RSPRY1: variants seen among roughly 807,000 people sequenced by gnomAD.
RSPRY1 encodes ring finger and SPRY domain containing 1.
In RSPRY1, 23 loss-of-function variants were observed where a neutral mutation model predicts 73.1. That is an observed-to-expected ratio of 0.31 (90% CI 0.23 to 0.45). The LOEUF (loss-of-function observed/expected upper bound fraction) is 0.45, where lower values mean the gene tolerates loss of function less well. Among genes scored for constraint, RSPRY1 ranks in the 20% least tolerant of loss-of-function variants. The pLI is 1.00. For synonymous variants in RSPRY1, 226 were observed against 251.4 expected, an observed-to-expected ratio of 0.90 and a Z score of 0.95; for missense variants, 448 against 698.7, an observed-to-expected ratio of 0.64 and a Z score of 4.05.
intron 1 of RSPRY1, among the ~76,000 whole-genome samples, chr16:57,202,135 A>G (rs1156578492): frequency 2.0e-5 from 3 of 152,208 alleles, no homozygotes; most frequent in Admixed American, 6.5e-5. Flanking sequence ...AGTCTGGGGA[A>G]CATAGCAAGA....
At chr16:57,195,823 C>A (rs1435641020) in intron 1 of RSPRY1, among the ~76,000 whole-genome samples, 1 of 151,536 alleles carries the variant, frequency 6.6e-6, no homozygotes, top group Non-Finnish European at 1.5e-5. Flanking sequence ...GAGTTCAAGA[C>A]CAGCCTGGCC....
rs1377753505 is a variant in RSPRY1, at chr16:57,221,286, C to T, written c.1032C>T (p.Ala344=). The T allele has an allele frequency of 6.2e-6, 10 of 1,613,842 alleles. No homozygotes were observed. In the Admixed American group the frequency reaches 8.3e-5, roughly 13 times the overall value. ...GGTTTTGCCAGGCTCGCTGTGATGCCTCCTCTTTTGAAAGTGTGCGTTGCA... is the reference window on the plus strand; with the variant it reads ...GGTTTTGCCAGGCTCGCTGTGATGCTTCCTCTTTTGAAAGTGTGCGTTGCA... ...SPHGLEARCD[A]SSFESVRCTF... Residue 344 remains alanine (A), a synonymous_variant, in exon 10 of 15, where the codon GCC becomes GCT. Transcript: ENST00000394420.
At chr16:57,226,650 T>C (rs2146347807) in intron 10 of RSPRY1, among the ~76,000 whole-genome samples, 1 of 152,362 alleles carries the variant, frequency 6.6e-6, no homozygotes, top group African/African-American at 2.4e-5. Context: ...ACAGTGAAGA[T>C]GACCAGAGGT....
chr16:57,212,121 G>C (rs2074855196), intron 4 of RSPRY1, among the ~76,000 whole-genome samples: 1 of 152,084 alleles, frequency 6.6e-6, no homozygotes, highest in Non-Finnish European at 1.5e-5. Flanking sequence ...AGACCAGCCT[G>C]GGCAACATAA....
At chr16:57,232,500 C>A (rs1057151312) in intron 13 of RSPRY1, among the ~76,000 whole-genome samples, 3 of 152,154 alleles carry the variant, frequency 2.0e-5, no homozygotes, top group Non-Finnish European at 4.4e-5. Context: ...TTCCTCTTGG[C>A]CAAAGTCTGA....
Position 57,204,990 on chromosome 16 carries a change from T to C in RSPRY1, c.332T>C (p.Ile111Thr), listed in dbSNP as rs774383239. ...DGLVLDTLAV[I>T]RTLVDNDQEP... Reference sequence around the variant, plus strand: ...CTAGTGTTGGACACACTGGCAGTAATACGGACTCTTGTAGATAAGTAAGTA... The same window carrying C: ...CTAGTGTTGGACACACTGGCAGTAACACGGACTCTTGTAGATAAGTAAGTA... Residue 111 changes from isoleucine to threonine, a missense_variant, in exon 2 of 15, where the codon ATA (isoleucine) becomes ACA (threonine). Ile to Thr is a moderately conservative substitution (Grantham distance 89). Transcript: ENST00000394420. The C allele has an allele frequency of 1.2e-6, 2 of 1,613,490 alleles. No homozygotes were observed. The highest frequency in any genetic ancestry group is 1.7e-6 in the Non-Finnish European group (2 of 1,179,566).
intron 8 of RSPRY1, among the ~76,000 whole-genome samples, chr16:57,219,144 A>G (rs1485372889): frequency 2.0e-5 from 3 of 152,188 alleles, no homozygotes; most frequent in African/African-American, 7.2e-5. Context: ...TTTCTTTGAC[A>G]TACTAATTTC....
intron 1 of RSPRY1, among the ~76,000 whole-genome samples, chr16:57,194,192 T>C (rs909693757): frequency 9.2e-5 from 14 of 152,204 alleles, no homozygotes; most frequent in African/African-American, 3.1e-4. Flanking sequence ...ATGCCTATAG[T>C]TTACTTTGAA....
intron 2 of RSPRY1, chr16:57,207,502 C>A: frequency 2.3e-6 from 1 of 431,932 alleles, no homozygotes; most frequent in Admixed American, 2.5e-5. Context: ...CACTTTGGAG[C>A]AATGTCTAGA....
At chr16:57,216,362 G>A (rs1752175726) in intron 7 of RSPRY1, 189 bp downstream of exon 7, 1 of 513,290 alleles carries the variant, frequency 1.9e-6, no homozygotes, top group Non-Finnish European at 3.4e-6. Flanking sequence ...TCTCACCTAA[G>A]AATCAAAACT....
At chr16:57,188,474 A>G (rs1395736675) in intron 1 of RSPRY1, among the ~76,000 whole-genome samples, 2 of 152,138 alleles carry the variant, frequency 1.3e-5, no homozygotes, top group African/African-American at 4.8e-5. Flanking sequence ...GGCAATTTAT[A>G]TGGGATTTTT....
In RSPRY1 at chr16:57,204,522, A is replaced by G. The variant is rs1457675361; in HGVS notation, c.-137A>G. On this transcript the variant is annotated 5_prime_UTR_variant, in exon 2 of 15. Coordinates refer to ENST00000394420, the MANE Select transcript of RSPRY1 (RefSeq NM_133368.3). ...CTTTTAGAACTGCCATTGGATGTCC[A>G]GAATCCCCTGTAGTTGATAATGTTG... The G allele has an allele frequency of 1.3e-6, 1 of 741,414 alleles. No homozygotes were observed. Among genetic ancestry groups the G allele is most frequent in the Non-Finnish European group, 2.3e-6 (1 of 444,434 alleles). 45.9% of individuals were successfully genotyped at this position (741,414 alleles called of 1,614,324 possible).
chr16:57,213,631 G>A (rs1258609247), intron 5 of RSPRY1, among the ~76,000 whole-genome samples: 2 of 152,244 alleles, frequency 1.3e-5, no homozygotes, highest in Admixed American at 6.5e-5. Context: ...AGAAACAATG[G>A]ATTAGAAATC....
In RSPRY1 at chr16:57,216,489, C is replaced by T. The variant is rs78421029; in HGVS notation, c.769+316C>T. ...TCCCAGCACTTTGGGAAGCTAAGGC[C>T]AGAGCATTGCTTCAGGCCAGGAATT... On this transcript the variant is annotated intron_variant, in intron 7 of 14. Coordinates refer to ENST00000394420, the MANE Select transcript of RSPRY1 (RefSeq NM_133368.3). 2.8e-3 allele frequency: 993 copies of T among 349,910 alleles called. 7 individuals are homozygous for T. The highest frequency in any genetic ancestry group is 0.018 in the African/African-American group (875 of 47,316). The allele number at this position is 349,910 out of a possible 1,614,324, so 21.7% of individuals were successfully genotyped here. A position where few individuals can be genotyped will look rare whatever the true frequency, so the allele number is the denominator to read the frequency against.
At chr16:57,213,230 C>A in intron 5 of RSPRY1, 132 bp downstream of exon 5, 1 of 834,258 alleles carries the variant, frequency 1.2e-6, no homozygotes, top group Middle Eastern at 2.5e-4. Flanking sequence ...GAGACATAGA[C>A]TAACTGGAAG....
chr16:57,188,736 G>C (rs907269001), intron 1 of RSPRY1, among the ~76,000 whole-genome samples: 3 of 152,070 alleles, frequency 2.0e-5, no homozygotes, highest in Admixed American at 6.5e-5. Flanking sequence ...GGCTGGTGTC[G>C]AACTCCCGAC....
chr16:57,206,004 C>CA (rs1284860469), intron 2 of RSPRY1, among the ~76,000 whole-genome samples: 1 of 152,156 alleles, frequency 6.6e-6, no homozygotes, highest in Non-Finnish European at 1.5e-5. Context: ...TTTAGTTCCT[C>CA]AAAAATTAAG....
chr16:57,205,782 A>G (rs1463893846), intron 2 of RSPRY1, among the ~76,000 whole-genome samples: 1 of 152,222 alleles, frequency 6.6e-6, no homozygotes, highest in Non-Finnish European at 1.5e-5. Context: ...CAGATTCCTC[A>G]TCTGTAAATG....
chr16:57,199,317 G>C (rs888062406), intron 1 of RSPRY1, among the ~76,000 whole-genome samples: 1 of 152,132 alleles, frequency 6.6e-6, no homozygotes. Flanking sequence ...ACATGGTGAA[G>C]ATCTGTCTCT....
Sources: gnomAD v4.1 joint callset for allele counts (sites outside exome capture counted in the v4.1 genomes callset) on GRCh38, gnomAD v4.1.1 for gene constraint, MANE v1.5 for transcripts, NCBI Gene and HGNC (gene_info 2026-07-23, HGNC 2026-07-21) for gene names.